RFX3: variants seen among roughly 807,000 people sequenced by gnomAD.
RFX3 encodes the protein transcription factor RFX3.
In RFX3, 14 loss-of-function variants were observed where a neutral mutation model predicts 98.6. The ratio of observed to expected loss-of-function variants is 0.14; its 90% CI spans 0.09 to 0.22. The LOEUF (loss-of-function observed/expected upper bound fraction) is 0.22, where lower values mean the gene tolerates loss of function less well. Ranked by LOEUF, RFX3 falls within the 10% of genes least tolerant of loss-of-function variation. The pLI, the probability that RFX3 is intolerant of heterozygous loss-of-function variation, is 1.00. For missense variants in RFX3, 639 were observed against 926.9 expected (o/e 0.69, Z 4.03); for synonymous variants, 383 against 328.4 (o/e 1.17, Z -1.80).
intron 1 of RFX3, among the ~76,000 whole-genome samples, chr9:3,400,600 T>C (rs1437924865): frequency 6.6e-6 from 1 of 152,208 alleles, no homozygotes; most frequent in East Asian, 1.9e-4. Flanking sequence ...ATAGACACAA[T>C]TTCATTTTCC....
chr9:3,312,738 G>T (rs1830109103), intron 4 of RFX3, among the ~76,000 whole-genome samples: 2 of 152,180 alleles, frequency 1.3e-5, no homozygotes, highest in South Asian at 2.1e-4. Flanking sequence ...GGCTCAGGGG[G>T]TCCCACGCCC....
At chr9:3,502,849 G>C (rs986608609) in intron 1 of RFX3, among the ~76,000 whole-genome samples, 2 of 152,068 alleles carry the variant, frequency 1.3e-5, no homozygotes, top group Admixed American at 1.3e-4. Context: ...AAGATAGGTG[G>C]GGAATAAATG....
chr9:3,401,760 C>G (rs1455731690), intron 1 of RFX3, among the ~76,000 whole-genome samples: 1 of 152,138 alleles, frequency 6.6e-6, no homozygotes, highest in African/African-American at 2.4e-5. Context: ...GCTAATTAAG[C>G]AGTTGGACAC....
intron 1 of RFX3, among the ~76,000 whole-genome samples, chr9:3,408,845 C>T (rs770471615): frequency 7.2e-5 from 11 of 152,090 alleles, no homozygotes; most frequent in Non-Finnish European, 1.3e-4. Context: ...TCTTTTTCCC[C>T]GTCCCTGGCA....
rs968874842 is a variant in RFX3, at chr9:3,219,315, T to C, written c.*5727A>G. 6.6e-5 allele frequency: 10 copies of C among 152,220 alleles called. No individual in the cohort carries two copies. Among genetic ancestry groups the C allele is most frequent in the African/African-American group, 2.4e-4 (10 of 41,560 alleles). The allele number at this position is 152,220 out of a possible 1,614,324, so 9.4% of individuals were successfully genotyped here. A position where few individuals can be genotyped will look rare whatever the true frequency, so the allele number is the denominator to read the frequency against. Reference sequence around the variant, plus strand: ...TGGTTATCAACAGTCAATGGGAGTTTTTATATTTTCTTTCCTCCCCAGAAT... The same window carrying C: ...TGGTTATCAACAGTCAATGGGAGTTCTTATATTTTCTTTCCTCCCCAGAAT... On this transcript the variant is annotated 3_prime_UTR_variant, in exon 17 of 17. Coordinates refer to ENST00000617270, the MANE Select transcript of RFX3 (RefSeq NM_001282116.2).
At chr9:3,446,542 T>C (rs1272293304) in intron 1 of RFX3, among the ~76,000 whole-genome samples, 1 of 151,964 alleles carries the variant, frequency 6.6e-6, no homozygotes, top group Non-Finnish European at 1.5e-5. Context: ...TATTCAGAGA[T>C]TTTACCATTT....
At chr9:3,491,132 T>C (rs965962783) in intron 1 of RFX3, among the ~76,000 whole-genome samples, 3 of 152,092 alleles carry the variant, frequency 2.0e-5, no homozygotes, top group Non-Finnish European at 4.4e-5. Flanking sequence ...ATTGCTCCAT[T>C]AGACATAGAA....
At chr9:3,240,833 A>G (rs967341121) in intron 15 of RFX3, among the ~76,000 whole-genome samples, 10 of 152,208 alleles carry the variant, frequency 6.6e-5, no homozygotes, top group Admixed American at 1.3e-4. Context: ...TGGGCTAGGC[A>G]CAGGATGACA....
At chr9:3,308,044 G>A (rs1829535586) in intron 4 of RFX3, among the ~76,000 whole-genome samples, 1 of 151,958 alleles carries the variant, frequency 6.6e-6, no homozygotes, top group Admixed American at 6.6e-5. Flanking sequence ...AACTTACAAA[G>A]CTTTAGGCTA....
At chr9:3,432,496 G>GACATAACTCTGCCCAGACTTTGT (rs1844741978) in intron 1 of RFX3, among the ~76,000 whole-genome samples, 1 of 152,080 alleles carries the variant, frequency 6.6e-6, no homozygotes, top group Non-Finnish European at 1.5e-5. Flanking sequence ...ATTCCTGTTG[G>GACATAACTCTGCCCAGACTTTGT]ACATAACTCT....
chr9:3,485,823 C>A (rs897640922), intron 1 of RFX3, among the ~76,000 whole-genome samples: 12 of 152,124 alleles, frequency 7.9e-5, no homozygotes, highest in Non-Finnish European at 4.4e-5. Flanking sequence ...CTGGTAAAGA[C>A]TTTAAGAATA....
At chr9:3,378,318 T>G (rs1357081002) in intron 2 of RFX3, among the ~76,000 whole-genome samples, 1 of 152,086 alleles carries the variant, frequency 6.6e-6, no homozygotes, top group Non-Finnish European at 1.5e-5. Flanking sequence ...GTGGAAAAAT[T>G]TTTAAGCCAC....
intron 5 of RFX3, among the ~76,000 whole-genome samples, chr9:3,297,885 TC>T (rs1434246350): frequency 2.6e-5 from 4 of 151,902 alleles, no homozygotes; most frequent in African/African-American, 9.7e-5. Flanking sequence ...TAACAACATT[TC>T]TGAATTCAAA....
chr9:3,482,324 T>C (rs542020113), intron 1 of RFX3, among the ~76,000 whole-genome samples: 2 of 151,472 alleles, frequency 1.3e-5, no homozygotes, highest in African/African-American at 4.8e-5. Context: ...CACCCAAGAG[T>C]GCCAGAGTGA....
intron 1 of RFX3, among the ~76,000 whole-genome samples, chr9:3,516,543 C>G (rs765874596): frequency 4.6e-5 from 7 of 152,000 alleles, no homozygotes; most frequent in Non-Finnish European, 1.0e-4. Flanking sequence ...GACCAGGGAC[C>G]CCAAAGTAGT....
Position 3,518,007 on chromosome 9 carries a change from C to T in RFX3, c.-9+7740G>A, listed in dbSNP as rs965035477. Among the ~76,000 whole-genome samples, 8 of 152,274 alleles carry T rather than the reference C, an allele frequency of 5.3e-5. 1 individual carries two copies. Among genetic ancestry groups the T allele is most frequent in the African/African-American group, 7.2e-5 (3 of 41,556 alleles). Reference sequence around the variant, plus strand: ...TTGACACAATGCATTACCTTTTCTACGTTTAGATATGTTCAGATACACAAA... The same window carrying T: ...TTGACACAATGCATTACCTTTTCTATGTTTAGATATGTTCAGATACACAAA... On this transcript the variant is annotated intron_variant, in intron 1 of 16. Coordinates refer to ENST00000617270, the MANE Select transcript of RFX3 (RefSeq NM_001282116.2).
At chr9:3,490,189 C>T in intron 1 of RFX3, 1 of 342,312 alleles carries the variant, frequency 2.9e-6, no homozygotes, top group Non-Finnish European at 4.1e-6. Flanking sequence ...TGAAAAAATT[C>T]AGACATGAGA....
At chr9:3,504,847 T>C (rs1329386662) in intron 1 of RFX3, among the ~76,000 whole-genome samples, 6 of 88,734 alleles carry the variant, frequency 6.8e-5, no homozygotes, top group Non-Finnish European at 1.2e-4. Flanking sequence ...AAAATATATA[T>C]ATTATATATG....
intron 1 of RFX3, among the ~76,000 whole-genome samples, chr9:3,482,597 T>C (rs1351000691): frequency 6.6e-6 from 1 of 152,220 alleles, no homozygotes; most frequent in Non-Finnish European, 1.5e-5. Flanking sequence ...ATATAAAATA[T>C]TGCCCAAAAA....
Sources: allele counts gnomAD v4.1 joint callset (sites outside exome capture counted in the v4.1 genomes callset), GRCh38; gene constraint gnomAD v4.1.1; transcripts MANE v1.5; gene names NCBI Gene and HGNC (gene_info 2026-07-23, HGNC 2026-07-21).